TMEM178B: variants seen among roughly 807,000 people sequenced by gnomAD.
TMEM178B encodes transmembrane protein 178B.
In TMEM178B, 5 loss-of-function variants were observed where a neutral mutation model predicts 31.0. The observed-to-expected ratio is 0.16, with a 90% CI of 0.08 to 0.34. The LOEUF is 0.34. TMEM178B is among the 10% of genes least tolerant of loss of function. The probability of loss-of-function intolerance (pLI) is 1.00; values close to 1 mark genes in which losing one functional copy is unlikely to be tolerated. For synonymous variants in TMEM178B, 164 were observed against 164.0 expected (o/e 1.00, Z 0.00); for missense variants, 275 against 400.3 (o/e 0.69, Z 2.67).
intron 2 of TMEM178B, among the ~76,000 whole-genome samples, chr7:141,220,311 AAATAAT>A (rs143440134): frequency 0.2 from 28,566 of 140,218 alleles, 3,544 homozygotes; most frequent in Non-Finnish European, 0.28. Context: ...ACTCCATCTC[AAATAAT>A]AATAATAATA....
intron 2 of TMEM178B, among the ~76,000 whole-genome samples, chr7:141,255,724 C>T (rs1453357022): frequency 2.6e-5 from 4 of 151,876 alleles, no homozygotes; most frequent in African/African-American, 9.7e-5. Context: ...GTCCCCGACC[C>T]CTGCCTTTTT....
At chr7:141,298,934 C>T (rs377424415) in intron 2 of TMEM178B, among the ~76,000 whole-genome samples, 1 of 152,182 alleles carries the variant, frequency 6.6e-6, no homozygotes, top group Non-Finnish European at 1.5e-5. Context: ...CCAGCCTTCT[C>T]CCAGCCCTAT....
At chr7:141,355,747 G>A (rs968057014) in intron 2 of TMEM178B, among the ~76,000 whole-genome samples, 3 of 152,214 alleles carry the variant, frequency 2.0e-5, no homozygotes, top group African/African-American at 7.2e-5. Context: ...GGTGGGACAT[G>A]TGCAGGTTTG....
intron 2 of TMEM178B, among the ~76,000 whole-genome samples, chr7:141,241,974 T>A (rs1797630605): frequency 6.6e-6 from 1 of 152,224 alleles, no homozygotes; most frequent in Non-Finnish European, 1.5e-5. Flanking sequence ...GGTGCTACAT[T>A]TTCATCAGAA....
chr7:141,323,607 T>G (rs1183846962), intron 2 of TMEM178B, among the ~76,000 whole-genome samples: 2 of 152,204 alleles, frequency 1.3e-5, no homozygotes, highest in Non-Finnish European at 2.9e-5. Flanking sequence ...TAACTTGTAA[T>G]TAACAGTTGG....
chr7:141,497,177 A>G, the TMEM178B span, among the ~76,000 whole-genome samples: 3 of 152,162 alleles, frequency 2.0e-5, no homozygotes, highest in African/African-American at 7.2e-5. Flanking sequence ...TGATTGTGAG[A>G]GGCTGCAAGT....
At chr7:141,117,819 T>C (rs1039971709) in intron 1 of TMEM178B, among the ~76,000 whole-genome samples, 2 of 152,190 alleles carry the variant, frequency 1.3e-5, no homozygotes, top group African/African-American at 4.8e-5. Flanking sequence ...CAGATGGTTG[T>C]AGATGTGTGG....
At chr7:141,121,415 T>C (rs1343856347) in intron 1 of TMEM178B, among the ~76,000 whole-genome samples, 2 of 152,210 alleles carry the variant, frequency 1.3e-5, no homozygotes, top group East Asian at 3.9e-4. Flanking sequence ...CCCTCTTTCT[T>C]CCAGCTTGAG....
intron 2 of TMEM178B, among the ~76,000 whole-genome samples, chr7:141,234,873 G>A (rs1029192670): frequency 2.0e-5 from 3 of 152,184 alleles, no homozygotes; most frequent in Non-Finnish European, 2.9e-5. Flanking sequence ...TGATACAAAA[G>A]GCATTTATAT....
chr7:141,477,795 TG>T lies in TMEM178B; in HGVS notation c.*7010del, dbSNP rs532025848. On this transcript the variant is annotated 3_prime_UTR_variant, in exon 4 of 4. Transcript: ENST00000565468. ...TACTGCATGGAGGTAAATTAGGAGA[TG>T]TTTTCTCTCTGCTACTCCTGGCCTC... 3.3e-5 allele frequency: 5 copies of T among 152,226 alleles called. No individual in the cohort carries two copies. The highest frequency in any genetic ancestry group is 7.3e-5 in the Non-Finnish European group (5 of 68,082). 9.4% of individuals were successfully genotyped at this position (152,226 alleles called of 1,614,324 possible). A position where few individuals can be genotyped will look rare whatever the true frequency, so the allele number is the denominator to read the frequency against.
intron 2 of TMEM178B, among the ~76,000 whole-genome samples, chr7:141,423,192 TA>T (rs1327423716): frequency 1.3e-5 from 2 of 152,116 alleles, no homozygotes; most frequent in Non-Finnish European, 2.9e-5. Context: ...GGTACCTGGC[TA>T]ATTTTTGTAT....
At chr7:141,480,882 T>C (rs1047433134), downstream of TMEM178B, among the ~76,000 whole-genome samples, 3 of 152,118 alleles carry the variant, frequency 2.0e-5, no homozygotes, top group African/African-American at 4.8e-5. Flanking sequence ...AGGAGGGAAG[T>C]GGACTGGAGA....
intron 3 of TMEM178B, among the ~76,000 whole-genome samples, chr7:141,449,882 G>A (rs1245979020): frequency 6.6e-6 from 1 of 152,214 alleles, no homozygotes; most frequent in Non-Finnish European, 1.5e-5. Flanking sequence ...AAGGCCTAGG[G>A]GAGAGGGACT....
chr7:141,084,566 G>A (rs894620038), intron 1 of TMEM178B, among the ~76,000 whole-genome samples: 2 of 152,134 alleles, frequency 1.3e-5, no homozygotes, highest in African/African-American at 2.4e-5. Flanking sequence ...AGCCGTCAGC[G>A]CATGTTTTGC....
chr7:141,181,549 G>A (rs1796530499), intron 1 of TMEM178B, among the ~76,000 whole-genome samples: 1 of 152,300 alleles, frequency 6.6e-6, no homozygotes, highest in South Asian at 2.1e-4. Context: ...TGGATTGGGA[G>A]GTTATATCCT....
intron 1 of TMEM178B, among the ~76,000 whole-genome samples, chr7:141,092,626 T>C (rs151286040): frequency 6.6e-6 from 1 of 152,198 alleles, no homozygotes; most frequent in Non-Finnish European, 1.5e-5. Context: ...GATGCAGTAG[T>C]TCACTAAATA....
chr7:141,337,050 TCACCAC>T (rs1799419237), intron 2 of TMEM178B, among the ~76,000 whole-genome samples: 2 of 25,444 alleles, frequency 7.9e-5, no homozygotes, highest in Non-Finnish European at 1.4e-4. Context: ...ACCACCACCA[TCACCAC>T]CACCACCATC....
intron 1 of TMEM178B, among the ~76,000 whole-genome samples, chr7:141,108,819 TG>T (rs1795187073): frequency 6.6e-6 from 1 of 151,904 alleles, no homozygotes; most frequent in African/African-American, 2.4e-5. Context: ...TAACCAGGAG[TG>T]TATTAGTCCG....
At chr7:141,483,100 G>A (rs959022585), downstream of TMEM178B, among the ~76,000 whole-genome samples, 1 of 152,102 alleles carries the variant, frequency 6.6e-6, no homozygotes, top group Non-Finnish European at 1.5e-5. Context: ...GTGAACAAAG[G>A]CATTCTCATC....
Sources: gnomAD v4.1 joint callset for allele counts (sites outside exome capture counted in the v4.1 genomes callset) on GRCh38, gnomAD v4.1.1 for gene constraint, MANE v1.5 for transcripts, NCBI Gene and HGNC (gene_info 2026-07-23, HGNC 2026-07-21) for gene names.